PCYOX1: variants seen among roughly 807,000 people sequenced by gnomAD.
The protein encoded by PCYOX1 is prenylcysteine oxidase 1, also known as prenylcysteine lyase.
PCYOX1 carries 46 observed loss-of-function variants against 46.4 expected under a neutral mutation model. The ratio of observed to expected loss-of-function variants is 0.99; its 90% CI spans 0.78 to 1.27. The LOEUF (loss-of-function observed/expected upper bound fraction) is 1.27. Ranked by LOEUF, PCYOX1 falls within the 50% of genes most tolerant of loss-of-function variation. The pLI, the probability that PCYOX1 is intolerant of heterozygous loss-of-function variation, is 0.00. For synonymous variants in PCYOX1, 220 were observed against 231.8 expected, an observed-to-expected ratio of 0.95 and a Z score of 0.46; for missense variants, 658 against 628.3, an observed-to-expected ratio of 1.05 and a Z score of -0.51.
Position 70,279,228 on chromosome 2 carries a change from A to G in PCYOX1, c.*1836A>G, listed in dbSNP as rs1696729387. On this transcript the variant is annotated 3_prime_UTR_variant, in exon 6 of 6. Transcript: ENST00000433351. ...CTTCCCTACCACAGTTGTGAATGTT[A>G]ATATGCTGATAAAACTGCCAAGATA... 5 of 152,368 alleles carry G rather than the reference A, an allele frequency of 3.3e-5. No homozygotes were observed. In the South Asian group the frequency reaches 1.0e-3, roughly 32 times the overall value. 9.4% of individuals were successfully genotyped at this position (152,368 alleles called of 1,614,324 possible).
intron 5 of PCYOX1, among the ~76,000 whole-genome samples, chr2:70,276,139 A>G (rs1344893698): frequency 6.6e-6 from 1 of 150,906 alleles, no homozygotes; most frequent in Non-Finnish European, 1.5e-5. Flanking sequence ...AGTGTAGTTA[A>G]GTGCTGTGGC....
Position 70,259,521 on chromosome 2 carries a change from A to G in PCYOX1, c.274A>G (p.Ile92Val). The change falls in exon 2 of 6, where the codon ATC (isoleucine) becomes GTC (valine). Residue 92 changes from isoleucine (I) to valine (V), a missense_variant. Ile to Val is a conservative substitution (Grantham distance 29). Coordinates refer to ENST00000433351, the MANE Select transcript of PCYOX1 (RefSeq NM_016297.4). The part of the protein sequence containing the change: ...GQEYEAGGSV[I>V]HPLNLHMKRF... ...AGAATACGAGGCAGGAGGTTCTGTC[A>G]TCCATCCTTTAAATCTGCACATGAA... 1 of 1,614,120 alleles carries G rather than the reference A, an allele frequency of 6.2e-7. No individual in the cohort carries two copies.
At chr2:70,267,928 A>G (rs1696551071) in intron 3 of PCYOX1, among the ~76,000 whole-genome samples, 1 of 152,062 alleles carries the variant, frequency 6.6e-6, no homozygotes, top group Admixed American at 6.5e-5. Flanking sequence ...TCTCTGCCTC[A>G]GCCTCCCGAG....
Position 70,275,520 on chromosome 2 carries a change from T to C in PCYOX1, c.713T>C (p.Val238Ala), listed in dbSNP as rs747167342. The C allele has an allele frequency of 1.9e-6, 3 of 1,613,746 alleles. No homozygotes were observed. The South Asian group carries it at 3.3e-5, about 18-fold the overall frequency. Reference protein sequence around the residue: ...STDINAFVGAVSLSCSDSGLW... With the variant: ...STDINAFVGAASLSCSDSGLW... ...TTTTTCCTCCTATTGACAGGGGCGG[T>C]GTCACTGTCCTGTTCTGATTCTGGC... Residue 238 changes from valine to alanine, a missense_variant, in exon 5 of 6, where the codon GTG becomes GCG. Coordinates refer to ENST00000433351, the MANE Select transcript of PCYOX1 (RefSeq NM_016297.4).
At chr2:70,258,763 C>G (rs1696385888) in intron 1 of PCYOX1, among the ~76,000 whole-genome samples, 1 of 152,240 alleles carries the variant, frequency 6.6e-6, no homozygotes, top group African/African-American at 2.4e-5. Context: ...TCCCCCAGCT[C>G]CGCTTTGCTG....
chr2:70,259,994 T>C (rs1286927406), intron 2 of PCYOX1, among the ~76,000 whole-genome samples: 1 of 152,130 alleles, frequency 6.6e-6, no homozygotes, highest in East Asian at 1.9e-4. Context: ...TTTTGTATTT[T>C]CAGTAGTGAC....
chr2:70,274,959 G>T lies in PCYOX1; in HGVS notation c.495G>T (p.Arg165Ser), dbSNP rs1417314366. ...AATGGATTTCTCTTCTTTTCCAAAG[G>T]ATCTACCGCTACCAGTCTCATGACT... ...WVEDVLDKFM[R>S]IYRYQSHDYA... is the part of the protein sequence containing the mutation. Residue 165 changes from arginine (R) to serine (S), a missense_variant and splice_region_variant, in exon 4 of 6, where the codon AGG (arginine) becomes AGT (serine). Transcript: ENST00000433351. The T allele has an allele frequency of 1.3e-6, 2 of 1,580,496 alleles. No homozygotes were observed. The highest frequency in any genetic ancestry group is 1.1e-5 in the South Asian group (1 of 90,414).
chr2:70,267,931 C>T (rs1328903429), intron 3 of PCYOX1, among the ~76,000 whole-genome samples: 2 of 152,120 alleles, frequency 1.3e-5, no homozygotes, highest in Admixed American at 1.3e-4. Context: ...CTGCCTCAGC[C>T]TCCCGAGTAG....
chr2:70,273,210 T>C (rs1696625896), intron 3 of PCYOX1, among the ~76,000 whole-genome samples: 1 of 152,192 alleles, frequency 6.6e-6, no homozygotes. Context: ...TTTTCTCATG[T>C]TGACCATTAG....
chr2:70,265,603 G>A (rs767099345), intron 3 of PCYOX1, among the ~76,000 whole-genome samples: 3 of 152,002 alleles, frequency 2.0e-5, no homozygotes, highest in Non-Finnish European at 4.4e-5. Context: ...CTTATTATAC[G>A]GTGCACACTG....
chr2:70,267,655 G>A (rs1050949753), intron 3 of PCYOX1, among the ~76,000 whole-genome samples: 7 of 152,102 alleles, frequency 4.6e-5, no homozygotes, highest in African/African-American at 1.7e-4. Context: ...CAGGCGTGGC[G>A]GCGCGCGCCT....
chr2:70,260,993 T>G (rs939029707), intron 2 of PCYOX1, among the ~76,000 whole-genome samples: 3 of 152,220 alleles, frequency 2.0e-5, no homozygotes, highest in Admixed American at 6.5e-5. Context: ...ATATATCTAC[T>G]TTTGATATAT....
intron 3 of PCYOX1, among the ~76,000 whole-genome samples, chr2:70,263,961 CT>C (rs768464001): frequency 0.02 from 2,220 of 112,278 alleles, 47 homozygotes; most frequent in African/African-American, 0.07. Flanking sequence ...GCCCGGCCCT[CT>C]TTTTTTTTTT....
chr2:70,273,039 T>TA (rs1573982669), intron 3 of PCYOX1, among the ~76,000 whole-genome samples: 2 of 152,162 alleles, frequency 1.3e-5, no homozygotes, highest in East Asian at 3.9e-4. Flanking sequence ...ATGAAACAAT[T>TA]AGAGTGCTCT....
intron 3 of PCYOX1, among the ~76,000 whole-genome samples, chr2:70,265,639 A>T (rs905517786): frequency 6.6e-6 from 1 of 152,220 alleles, no homozygotes; most frequent in African/African-American, 2.4e-5. Flanking sequence ...TGCTACGCAC[A>T]GTAACTAGAA....
Position 70,280,714 on chromosome 2 carries a change from A to ATTGT in PCYOX1, c.*3324_*3327dup, listed in dbSNP as rs1301413040. The ATTGT allele has an allele frequency of 6.6e-6, 1 of 152,052 alleles. No homozygotes were observed. The highest frequency in any genetic ancestry group is 1.9e-4 in the East Asian group (1 of 5,164). The allele number at this position is 152,052 out of a possible 1,614,324, so 9.4% of individuals were successfully genotyped here. A position where few individuals can be genotyped will look rare whatever the true frequency, so the allele number is the denominator to read the frequency against. On this transcript the variant is annotated 3_prime_UTR_variant, in exon 6 of 6. Coordinates refer to ENST00000433351, the MANE Select transcript of PCYOX1 (RefSeq NM_016297.4). ...GACTTCACATCAGTTCTCCTTATTG[A>ATTGT]TTGTTAGTTTGATCCCTCTTGTTCT...
chr2:70,272,044 C>G (rs912922714), intron 3 of PCYOX1, among the ~76,000 whole-genome samples: 1 of 151,922 alleles, frequency 6.6e-6, no homozygotes, highest in African/African-American at 2.4e-5. Context: ...CCTTAAATTC[C>G]AGAAAATGGC....
chr2:70,258,066 G>T, upstream of PCYOX1: 3 of 973,388 alleles, frequency 3.1e-6, no homozygotes, highest in Non-Finnish European at 4.4e-6. Context: ...GCTCGCAGGG[G>T]CTGGGCGGCC....
At chr2:70,258,551 C>G in intron 1 of PCYOX1, 1 of 359,904 alleles carries the variant, frequency 2.8e-6, no homozygotes, top group Non-Finnish European at 5.0e-6. Flanking sequence ...CCTAGCGTAC[C>G]TGTAGCCCCT....
Sources: allele counts gnomAD v4.1 joint callset (sites outside exome capture counted in the v4.1 genomes callset), GRCh38; gene constraint gnomAD v4.1.1; transcripts MANE v1.5; gene names NCBI Gene and HGNC (gene_info 2026-07-23, HGNC 2026-07-21).